The following TLR6 variants were observed in gnomAD, a reference collection of about 807,000 sequenced individuals.
TLR6 encodes the protein toll like receptor 6, also known as toll-like receptor 6.
Under a neutral mutation model 16.1 loss-of-function variants are expected in TLR6, and 9 were observed. That is an observed-to-expected ratio of 0.56 (90% confidence interval 0.34 to 0.98). The LOEUF (loss-of-function observed/expected upper bound fraction) is 0.98. Ranked by LOEUF, TLR6 falls within the 50% of genes least tolerant of loss-of-function variation. The probability of loss-of-function intolerance (pLI) is 0.02; values close to 1 mark genes in which losing one functional copy is unlikely to be tolerated. For synonymous variants in TLR6, 340 were observed against 338.6 expected, an observed-to-expected ratio of 1.00 and a Z score of -0.04; for missense variants, 786 against 921.0, an observed-to-expected ratio of 0.85 and a Z score of 1.90.
At chr4:38,855,149 T>C (rs1314682649) in intron 1 of TLR6, among the ~76,000 whole-genome samples, 1 of 151,262 alleles carries the variant, frequency 6.6e-6, no homozygotes. Flanking sequence ...GAGGCGGAGC[T>C]TGCAGTGAGC....
At chr4:38,858,742 AGAGAGAGAGAGAGAGG>A (rs1560274426), upstream of TLR6, among the ~76,000 whole-genome samples, 231 of 83,826 alleles carry the variant, frequency 2.8e-3, 4 homozygotes, top group Admixed American at 0.019. Context: ...AAAGAAAGAA[AGAGAGAGAGAGAGAGG>A]GAGAGAGAGA....
chr4:38,830,060 CG>C (rs975919128), intron 1 of TLR6, among the ~76,000 whole-genome samples: 13 of 152,188 alleles, frequency 8.5e-5, no homozygotes, highest in Admixed American at 2.6e-4. Context: ...CAAGGCTGGA[CG>C]CATGTTCAGA....
chr4:38,844,230 A>ACTGGTAGC (rs1165672519), intron 1 of TLR6, among the ~76,000 whole-genome samples: 1 of 152,230 alleles, frequency 6.6e-6, no homozygotes, highest in African/African-American at 2.4e-5. Context: ...CGACTGGAAT[A>ACTGGTAGC]CTGGTAGCGG....
chr4:38,846,188 C>T (rs1206444693), intron 1 of TLR6, among the ~76,000 whole-genome samples: 1 of 151,960 alleles, frequency 6.6e-6, no homozygotes, highest in African/African-American at 2.4e-5. Context: ...AACAAGCACT[C>T]TCACAAGAAG....
intron 1 of TLR6, among the ~76,000 whole-genome samples, chr4:38,847,731 G>T (rs1297922593): frequency 6.6e-6 from 1 of 152,236 alleles, no homozygotes; most frequent in Non-Finnish European, 1.5e-5. Flanking sequence ...CAGTGAGGCT[G>T]GGGGAGGGGC....
At chr4:38,858,889 G>GAGAGAA (rs1713128555), upstream of TLR6, among the ~76,000 whole-genome samples, 1 of 48,914 alleles carries the variant, frequency 2.0e-5, no homozygotes, top group Admixed American at 2.1e-4. Flanking sequence ...GAAAGAAAGA[G>GAGAGAA]AGAAAGAAAG....
upstream of TLR6, among the ~76,000 whole-genome samples, chr4:38,861,389 AC>A (rs1314319026): frequency 6.6e-6 from 1 of 151,670 alleles, no homozygotes; most frequent in East Asian, 1.9e-4. Context: ...CAATGGCTGC[AC>A]CCCCTCCATA....
At chr4:38,825,476 T>G (rs1365877639) in exon 2 of TLR6, 1 of 152,224 alleles carries the variant, frequency 6.6e-6, no homozygotes, top group African/African-American at 2.4e-5. Flanking sequence ...CAGATCTTCC[T>G]GTAGTTAACT....
chr4:38,858,828 A>G (rs1177793365), upstream of TLR6, among the ~76,000 whole-genome samples: 5 of 96,126 alleles, frequency 5.2e-5, no homozygotes, highest in African/African-American at 1.7e-4. Flanking sequence ...AGAGAGAGAG[A>G]GAGGAAGAAA....
At chr4:38,826,926 C>A in exon 2 of TLR6, 1 of 620,868 alleles carries the variant, frequency 1.6e-6, no homozygotes, top group African/African-American at 1.8e-5. Flanking sequence ...CTAACCTCAC[C>A]GCCTAGCTCA....
At chr4:38,839,994 T>A (rs994663922) in intron 1 of TLR6, among the ~76,000 whole-genome samples, 3 of 152,182 alleles carry the variant, frequency 2.0e-5, no homozygotes, top group African/African-American at 7.2e-5. Context: ...GTCCCCAAAG[T>A]CTAAAATCCC....
chr4:38,850,862 C>G (rs1712742603), intron 1 of TLR6, among the ~76,000 whole-genome samples: 2 of 152,168 alleles, frequency 1.3e-5, no homozygotes, highest in African/African-American at 4.8e-5. Context: ...AAGAGGGAAT[C>G]CTCCTTAACT....
chr4:38,827,140 T>C (rs1727578131), exon 2 of TLR6: 2 of 1,613,516 alleles, frequency 1.2e-6, no homozygotes, highest in Admixed American at 3.3e-5. Context: ...TAAAAGCGGC[T>C]CTAATGTTAG....
At chr4:38,832,910 C>A (rs1052089637) in intron 1 of TLR6, among the ~76,000 whole-genome samples, 1 of 152,178 alleles carries the variant, frequency 6.6e-6, no homozygotes, top group African/African-American at 2.4e-5. Flanking sequence ...TACAGCAACC[C>A]CATCTTCCCT....
chr4:38,837,382 T>C (rs192039478), intron 1 of TLR6, among the ~76,000 whole-genome samples: 10 of 152,278 alleles, frequency 6.6e-5, no homozygotes, highest in African/African-American at 2.2e-4. Flanking sequence ...AACAGATACA[T>C]AGACCAATAG....
chr4:38,847,993 G>A (rs1297829655), intron 1 of TLR6, among the ~76,000 whole-genome samples: 1 of 152,178 alleles, frequency 6.6e-6, no homozygotes, highest in Non-Finnish European at 1.5e-5. Context: ...TCCTCAAGTG[G>A]GTCCCTGACC....
chr4:38,835,803 A>G (rs548312388), intron 1 of TLR6, among the ~76,000 whole-genome samples: 2 of 152,364 alleles, frequency 1.3e-5, no homozygotes, highest in African/African-American at 4.8e-5. Flanking sequence ...AAAACTACAA[A>G]TCAATAACAA....
At chr4:38,834,386 A>T (rs1472062960) in intron 1 of TLR6, among the ~76,000 whole-genome samples, 2 of 151,202 alleles carry the variant, frequency 1.3e-5, no homozygotes, top group African/African-American at 4.8e-5. Context: ...GAATAAAGAA[A>T]GCCTATGGAA....
chr4:38,830,548 C>G (rs891208895), intron 1 of TLR6, among the ~76,000 whole-genome samples: 1 of 152,054 alleles, frequency 6.6e-6, no homozygotes, highest in African/African-American at 2.4e-5. Flanking sequence ...AACTCCATCT[C>G]TACAAAAAAT....
Sources: gnomAD v4.1 joint callset for allele counts (sites outside exome capture counted in the v4.1 genomes callset) on GRCh38, gnomAD v4.1.1 for gene constraint, MANE v1.5 for transcripts, NCBI Gene and HGNC (gene_info 2026-07-23, HGNC 2026-07-21) for gene names.